Variants in DHX35 observed in about 807,000 individuals in gnomAD.
DHX35 encodes probable ATP-dependent RNA helicase DHX35.
Under a neutral mutation model 99.6 loss-of-function variants are expected in DHX35, and 84 were observed. The ratio of observed to expected loss-of-function variants is 0.84; its 90% CI spans 0.71 to 1.01. DHX35 has a LOEUF of 1.01. Ranked by LOEUF, DHX35 falls within the 50% of genes least tolerant of loss-of-function variation. The pLI is 0.00. For synonymous variants in DHX35, 331 were observed against 316.2 expected (o/e 1.05, Z -0.50); for missense variants, 852 against 888.5 (o/e 0.96, Z 0.52).
intron 5 of DHX35, 89 bp downstream of exon 5, chr20:38,989,006 A>G (rs2086292446): frequency 3.4e-6 from 5 of 1,453,740 alleles, no homozygotes; most frequent in African/African-American, 2.8e-5. Flanking sequence ...GCTGCTGTAC[A>G]GGACATTGAT....
At position 38,994,866 on chromosome 20, in the gene DHX35, A is replaced by G; in HGVS notation, c.628A>G (p.Thr210Ala). Residue 210 changes from threonine to alanine, a missense_variant, in exon 8 of 22, where the codon ACT becomes GCT. Physicochemically the swap from Thr to Ala is moderately conservative, Grantham distance 58 (BLOSUM62 0). Coordinates refer to ENST00000252011, the MANE Select transcript of DHX35 (RefSeq NM_021931.4). ...GDLRLIVASA[T>A]LDADKFRDFF... ...TCTTCGATTGATTGTAGCTTCAGCC[A>G]CTCTGGATGCAGACGTAAGAGCCTT... 1 of 1,613,720 alleles carries G rather than the reference A, an allele frequency of 6.2e-7. No individual in the cohort carries two copies. Among genetic ancestry groups the G allele is most frequent in the Non-Finnish European group, 8.5e-7 (1 of 1,179,728 alleles).
chr20:38,965,303 G>A lies in DHX35; in HGVS notation c.40+2896G>A, dbSNP rs138210853. Among the ~76,000 whole-genome samples the A allele has an allele frequency of 1.4e-4, 21 of 152,336 alleles. No homozygotes were observed. In the East Asian group the frequency reaches 3.3e-3, roughly 24 times the overall value. On this transcript the variant is annotated intron_variant, in intron 1 of 21. Transcript: ENST00000252011. ...TGATGACAGTAATACTCTTATTTTA[G>A]TGAGGAAATTCAAGATATGAAGTAG...
chr20:38,984,035 G>A (rs1433091082), intron 4 of DHX35, among the ~76,000 whole-genome samples: 1 of 151,752 alleles, frequency 6.6e-6, no homozygotes, highest in African/African-American at 2.4e-5. Flanking sequence ...TCAGCCTCCC[G>A]AGTAGCTGGG....
At chr20:38,993,846 G>A (rs904425222) in intron 7 of DHX35, among the ~76,000 whole-genome samples, 6 of 152,164 alleles carry the variant, frequency 3.9e-5, no homozygotes, top group African/African-American at 1.4e-4. Flanking sequence ...TGAAGCTTAA[G>A]TAAGATAGCA....
rs190036780 is a variant in DHX35, at chr20:39,002,048, T to A, written c.755+206T>A. Among the ~76,000 whole-genome samples the A allele has an allele frequency of 6.6e-3, 1,011 of 152,328 alleles. 10 individuals carry two copies. Among genetic ancestry groups the A allele is most frequent in the African/African-American group, 0.023 (959 of 41,572 alleles). ...GTTCACACTGACATGCAAGTTTCCGTAAGTCTGTGGCCAGTAGCTCAGCCA... is the reference window on the plus strand; with the variant it reads ...GTTCACACTGACATGCAAGTTTCCGAAAGTCTGTGGCCAGTAGCTCAGCCA... On this transcript the variant is annotated intron_variant, in intron 9 of 21. Coordinates refer to ENST00000252011, the MANE Select transcript of DHX35 (RefSeq NM_021931.4).
At chr20:39,014,524 G>A (rs4141893) in intron 13 of DHX35, among the ~76,000 whole-genome samples, 55,514 of 151,990 alleles carry the variant, frequency 0.37, 10,613 homozygotes, top group Middle Eastern at 0.53. Flanking sequence ...CTGGGGCCCC[G>A]GTGTGGTAGA....
chr20:39,030,317 A>G (rs2087028096), intron 19 of DHX35: 1 of 199,912 alleles, frequency 5.0e-6, no homozygotes, highest in Non-Finnish European at 1.0e-5. Context: ...GTCCCCCTAT[A>G]GTCATTATCT....
Position 39,023,620 on chromosome 20 carries a change from T to A in DHX35, c.1594-70T>A, listed in dbSNP as rs530617174. On this transcript the variant is annotated intron_variant, in intron 16 of 21. Coordinates refer to ENST00000252011, the MANE Select transcript of DHX35 (RefSeq NM_021931.4). ...CTCCCACCTTAGCCTCACCAAATGC[T>A]GGGATTATAGGTGTGAGCCACCACA... 179 of 1,462,668 alleles carry A rather than the reference T, an allele frequency of 1.2e-4. 1 individual carries two copies. Among genetic ancestry groups the A allele is most frequent in the South Asian group, 6.5e-4 (57 of 87,354 alleles). The allele number at this position is 1,462,668 out of a possible 1,614,324, so 90.6% of individuals were successfully genotyped here. A position where few individuals can be genotyped will look rare whatever the true frequency, so the allele number is the denominator to read the frequency against.
At chr20:38,964,663 C>T (rs976455284) in intron 1 of DHX35, among the ~76,000 whole-genome samples, 2 of 152,026 alleles carry the variant, frequency 1.3e-5, no homozygotes, top group Non-Finnish European at 2.9e-5. Flanking sequence ...TCTTTTGATC[C>T]CGTGATCTGC....
At position 39,010,353 on chromosome 20, in the gene DHX35, G is replaced by A; in HGVS notation, c.1296G>A (p.Leu432=). The part of the protein sequence containing the change: ...MQRSNLAPVI[L]QLKALGIDNV... Reference sequence around the variant, plus strand: ...GTAGTAATTTGGCACCTGTCATCCTGCAGCTGAAAGCACTAGGAATTGACA... The same window carrying A: ...GTAGTAATTTGGCACCTGTCATCCTACAGCTGAAAGCACTAGGAATTGACA... Residue 432 remains leucine, a synonymous_variant, in exon 13 of 22, where the codon CTG becomes CTA. Coordinates refer to ENST00000252011, the MANE Select transcript of DHX35 (RefSeq NM_021931.4). The A allele has an allele frequency of 6.2e-7, 1 of 1,614,144 alleles. No individual in the cohort carries two copies. Among genetic ancestry groups the A allele is most frequent in the Non-Finnish European group, 8.5e-7 (1 of 1,180,012 alleles).
chr20:39,010,443 G>C (rs758127023), intron 13 of DHX35, 39 bp downstream of exon 13: 2 of 1,609,576 alleles, frequency 1.2e-6, no homozygotes, highest in Non-Finnish European at 1.7e-6. Flanking sequence ...AGGGAGGCTA[G>C]GGAGCTCACA....
intron 10 of DHX35, among the ~76,000 whole-genome samples, chr20:39,003,084 T>G (rs2086548601): frequency 6.6e-6 from 1 of 152,210 alleles, no homozygotes; most frequent in Non-Finnish European, 1.5e-5. Flanking sequence ...GGGTTAAATG[T>G]TTTTTTAAAT....
intron 4 of DHX35, among the ~76,000 whole-genome samples, chr20:38,984,285 CAAT>C (rs960830834): frequency 2.0e-5 from 3 of 152,006 alleles, no homozygotes; most frequent in African/African-American, 7.3e-5. Flanking sequence ...ACGTTTTAAA[CAAT>C]AAAGTGCTGA....
chr20:39,015,648 A>AT (rs1197283854), intron 14 of DHX35, among the ~76,000 whole-genome samples: 3 of 151,938 alleles, frequency 2.0e-5, no homozygotes, highest in African/African-American at 7.3e-5. Context: ...TTTGAGATTT[A>AT]TTTTGAGTGT....
intron 3 of DHX35, among the ~76,000 whole-genome samples, chr20:38,974,283 T>C (rs2086044108): frequency 6.6e-6 from 1 of 152,196 alleles, no homozygotes; most frequent in African/African-American, 2.4e-5. Context: ...AACGGGGTCC[T>C]CAACCAAGAG....
intron 9 of DHX35, among the ~76,000 whole-genome samples, chr20:39,002,338 C>T (rs115701829): frequency 6.6e-6 from 1 of 152,144 alleles, no homozygotes; most frequent in African/African-American, 2.4e-5. Flanking sequence ...AATCCAGAGT[C>T]GTGGACTTGA....
chr20:39,031,729 C>T (rs977207223), intron 20 of DHX35, among the ~76,000 whole-genome samples: 1 of 152,208 alleles, frequency 6.6e-6, no homozygotes, highest in African/African-American at 2.4e-5. Context: ...CTGGGCTCAG[C>T]ACATCATGTG....
chr20:39,017,566 C>T (rs376636749), intron 14 of DHX35, among the ~76,000 whole-genome samples: 2 of 152,312 alleles, frequency 1.3e-5, no homozygotes, highest in Non-Finnish European at 1.5e-5. Flanking sequence ...CGCCTCCCCC[C>T]GCCAGCTTCA....
intron 2 of DHX35, among the ~76,000 whole-genome samples, chr20:38,969,572 T>A (rs1252381773): frequency 6.6e-6 from 1 of 152,222 alleles, no homozygotes; most frequent in Non-Finnish European, 1.5e-5. Context: ...ATTTTTGCTT[T>A]ATTTTTAAAG....
Sources: gnomAD v4.1 joint callset for allele counts (sites outside exome capture counted in the v4.1 genomes callset) on GRCh38, gnomAD v4.1.1 for gene constraint, MANE v1.5 for transcripts, NCBI Gene and HGNC (gene_info 2026-07-23, HGNC 2026-07-21) for gene names.